The following ANO3 variants were observed in gnomAD, a reference collection of about 807,000 sequenced individuals.
ANO3 encodes anoctamin 3.
Under a neutral mutation model 144.8 loss-of-function variants are expected in ANO3, and 99 were observed. That is an observed-to-expected ratio of 0.68 (90% CI 0.58 to 0.81). The LOEUF is 0.81. ANO3 is among the 30% of genes least tolerant of loss of function. ANO3 has a pLI of 0.00. For synonymous variants in ANO3, 414 were observed against 392.6 expected (o/e 1.05, Z -0.64); for missense variants, 905 against 1,202.2 (o/e 0.75, Z 3.66).
At chr11:26,561,296 G>T in intron 14 of ANO3, 3 of 1,151,798 alleles carry the variant, frequency 2.6e-6, no homozygotes, top group Non-Finnish European at 3.6e-6. Context: ...CATCCACCAA[G>T]TTATAGGAAT....
At chr11:26,413,640 A>G (rs541505909) in intron 1 of ANO3, among the ~76,000 whole-genome samples, 1 of 152,184 alleles carries the variant, frequency 6.6e-6, no homozygotes, top group African/African-American at 2.4e-5. Flanking sequence ...CCAAGGCATT[A>G]ATGTCATAAA....
chr11:26,459,600 A>G (rs1307115139), intron 3 of ANO3, among the ~76,000 whole-genome samples: 1 of 152,080 alleles, frequency 6.6e-6, no homozygotes, highest in Non-Finnish European at 1.5e-5. Flanking sequence ...GTACACACAC[A>G]CACACATACA....
intron 4 of ANO3, among the ~76,000 whole-genome samples, chr11:26,478,567 CT>C (rs1860074630): frequency 1.3e-5 from 2 of 152,098 alleles, no homozygotes; most frequent in Non-Finnish European, 2.9e-5. Context: ...CTGAGATGTT[CT>C]CCTAGAACTT....
rs763725223 is a variant in ANO3, at chr11:26,460,814, A to G, written c.314-2216A>G. ...TAATTTCTTGTGTTCCATGGAAAAT[A>G]AAATAATTAATGTAAATTGTCATTT... is the stretch of plus-strand genomic sequence containing the variant. On this transcript the variant is annotated intron_variant, in intron 3 of 26. Coordinates refer to ENST00000256737, the MANE Select transcript of ANO3 (RefSeq NM_031418.4). 1.4e-4 allele frequency among the ~76,000 whole-genome samples: 21 copies of G among 152,250 alleles called. No homozygotes were observed. The South Asian group carries it at 2.3e-3, about 16-fold the overall frequency.
intron 3 of ANO3, among the ~76,000 whole-genome samples, chr11:26,451,076 G>T (rs1275922191): frequency 6.6e-6 from 1 of 152,156 alleles, no homozygotes; most frequent in Non-Finnish European, 1.5e-5. Flanking sequence ...TACAATTGAT[G>T]ATTAGAAAAC....
At chr11:26,534,729 CAAA>C (rs567735847) in intron 9 of ANO3, among the ~76,000 whole-genome samples, 167 bp downstream of exon 9, 2 of 151,566 alleles carry the variant, frequency 1.3e-5, no homozygotes, top group Non-Finnish European at 2.9e-5. Flanking sequence ...TTTAATAAAA[CAAA>C]AAAAACTTTT....
intron 1 of ANO3, among the ~76,000 whole-genome samples, chr11:26,289,073 G>A (rs1294743615): frequency 6.6e-6 from 1 of 152,080 alleles, no homozygotes; most frequent in Non-Finnish European, 1.5e-5. Context: ...TTAGGAATAT[G>A]GAGGTAAACC....
At chr11:26,522,407 T>C (rs567865728) in intron 6 of ANO3, among the ~76,000 whole-genome samples, 14 of 152,296 alleles carry the variant, frequency 9.2e-5, no homozygotes, top group Non-Finnish European at 7.4e-5. Context: ...CATGTAGCCA[T>C]TGACTGTGTT....
intron 1 of ANO3, among the ~76,000 whole-genome samples, chr11:26,372,579 C>A (rs1856291687): frequency 6.6e-6 from 1 of 152,170 alleles, no homozygotes; most frequent in Admixed American, 6.5e-5. Context: ...GCTTTTTATA[C>A]TATCTCAATT....
intron 1 of ANO3, among the ~76,000 whole-genome samples, chr11:26,326,779 A>T (rs193109183): frequency 1.3e-5 from 2 of 152,316 alleles, no homozygotes; most frequent in East Asian, 3.9e-4. Context: ...CTATCAGAAG[A>T]GACATTAGCA....
chr11:26,208,467 C>T (rs1851862475), intron 1 of ANO3: 1 of 150,464 alleles, frequency 6.6e-6, no homozygotes, highest in Non-Finnish European at 1.5e-5. Flanking sequence ...GAGCCAAGAT[C>T]ACACCACTGC....
chr11:26,277,124 G>T (rs1355530315), intron 1 of ANO3, among the ~76,000 whole-genome samples: 1 of 151,794 alleles, frequency 6.6e-6, no homozygotes, highest in Admixed American at 6.6e-5. Context: ...ATATAAAAAA[G>T]TAGATATCTC....
intron 1 of ANO3, among the ~76,000 whole-genome samples, chr11:26,423,664 C>T (rs1348891259): frequency 4.6e-5 from 7 of 151,804 alleles, no homozygotes; most frequent in South Asian, 2.1e-4. Context: ...AATATATTTT[C>T]GAGTTTGCCA....
intron 1 of ANO3, among the ~76,000 whole-genome samples, chr11:26,220,848 G>A (rs984851040): frequency 6.6e-6 from 1 of 152,118 alleles, no homozygotes; most frequent in Admixed American, 6.5e-5. Context: ...TACCCGTTGG[G>A]CAGGACCCTG....
At chr11:26,213,446 C>G (rs1230277652) in intron 1 of ANO3, among the ~76,000 whole-genome samples, 1 of 152,180 alleles carries the variant, frequency 6.6e-6, no homozygotes, top group African/African-American at 2.4e-5. Flanking sequence ...GATACAAAAT[C>G]AATGGGCAAA....
chr11:26,636,314 A>G (rs1852956010), intron 20 of ANO3, among the ~76,000 whole-genome samples: 1 of 152,242 alleles, frequency 6.6e-6, no homozygotes, highest in East Asian at 1.9e-4. Flanking sequence ...TAATTACAAA[A>G]TTTAAAAAGT....
At chr11:26,211,436 A>G (rs986399351) in intron 1 of ANO3, among the ~76,000 whole-genome samples, 1 of 152,092 alleles carries the variant, frequency 6.6e-6, no homozygotes, top group Non-Finnish European at 1.5e-5. Context: ...CCTAACATTT[A>G]TGTGGCCAAT....
chr11:26,462,345 T>C (rs1194534238), intron 3 of ANO3, among the ~76,000 whole-genome samples: 2 of 151,906 alleles, frequency 1.3e-5, no homozygotes, highest in East Asian at 3.9e-4. Context: ...TGTCAAGAAT[T>C]CTTGGTCATA....
At chr11:26,295,770 T>C (rs906514678) in intron 1 of ANO3, among the ~76,000 whole-genome samples, 35 of 152,212 alleles carry the variant, frequency 2.3e-4, no homozygotes, top group African/African-American at 7.7e-4. Context: ...TTCTTGCAGA[T>C]GCTATCGTTT....
Sources: gnomAD v4.1 joint callset for allele counts (sites outside exome capture counted in the v4.1 genomes callset) on GRCh38, gnomAD v4.1.1 for gene constraint, MANE v1.5 for transcripts, NCBI Gene and HGNC (gene_info 2026-07-23, HGNC 2026-07-21) for gene names.